Variants in CARS2 observed in about 807,000 individuals in gnomAD.
CARS2 encodes probable cysteine--tRNA ligase, mitochondrial.
Under a neutral mutation model 68.8 loss-of-function variants are expected in CARS2, and 52 were observed. The observed-to-expected ratio is 0.76, with a 90% CI of 0.61 to 0.95. The LOEUF (loss-of-function observed/expected upper bound fraction) is 0.95. CARS2 is among the 40% of genes least tolerant of loss of function. The probability of loss-of-function intolerance (pLI) is 0.00; values close to 1 mark genes in which losing one functional copy is unlikely to be tolerated. For missense variants in CARS2, 780 were observed against 754.2 expected, an observed-to-expected ratio of 1.03 and a Z score of -0.40; for synonymous variants, 314 against 303.6, an observed-to-expected ratio of 1.03 and a Z score of -0.36.
intron 9 of CARS2, among the ~76,000 whole-genome samples, chr13:110,652,303 G>A (rs1186242503): frequency 6.6e-6 from 1 of 152,260 alleles, no homozygotes; most frequent in Non-Finnish European, 1.5e-5. Context: ...TGGGAGCACA[G>A]AGCTGCCAGG....
intron 3 of CARS2, among the ~76,000 whole-genome samples, chr13:110,698,854 A>G (rs1338053614): frequency 6.6e-6 from 1 of 152,104 alleles, no homozygotes; most frequent in Non-Finnish European, 1.5e-5. Context: ...AAATAGAAAA[A>G]AGAAAAAAAT....
At chr13:110,672,460 T>C (rs1424438133) in intron 7 of CARS2, among the ~76,000 whole-genome samples, 2 of 152,218 alleles carry the variant, frequency 1.3e-5, no homozygotes, top group Non-Finnish European at 2.9e-5. Context: ...TGCTCCTGAA[T>C]GACTACTGGG....
At chr13:110,679,081 T>C (rs1315558662) in intron 6 of CARS2, among the ~76,000 whole-genome samples, 1 of 57,338 alleles carries the variant, frequency 1.7e-5, no homozygotes, top group African/African-American at 6.8e-5. Flanking sequence ...CCCGTGGCCC[T>C]GAATTTGAGT....
chr13:110,663,760 G>A, intron 8 of CARS2: 3 of 1,259,234 alleles, frequency 2.4e-6, no homozygotes, highest in Non-Finnish European at 2.0e-6. Context: ...TGGCAGGGGT[G>A]CCCCAGCTGA....
chr13:110,660,459 T>C (rs1303501285), intron 9 of CARS2, among the ~76,000 whole-genome samples: 1 of 152,256 alleles, frequency 6.6e-6, no homozygotes, highest in South Asian at 2.1e-4. Context: ...ATGGCAGCTA[T>C]AGCCTTATGA....
In CARS2 at chr13:110,653,897, A is replaced by G. The variant is rs1333608949; in HGVS notation, c.988-2797T>C. ...TTCCTGCTCTGTGCCGGCTGATATC[A>G]GCAAGTTTCTATACTACTCCGGTTC... On this transcript the variant is annotated intron_variant, in intron 9 of 14. Transcript: ENST00000257347. This position sits in a 1 kb window ranked among gnomAD's most constrained non-coding sequence, Gnocchi z 5.6. Among the ~76,000 whole-genome samples, 1 of 152,254 alleles carries G rather than the reference A, an allele frequency of 6.6e-6. No individual in the cohort carries two copies. Among genetic ancestry groups the G allele is most frequent in the African/African-American group, 2.4e-5 (1 of 41,478 alleles).
chr13:110,692,174 T>C (rs2063488745), intron 3 of CARS2, among the ~76,000 whole-genome samples: 1 of 151,090 alleles, frequency 6.6e-6, no homozygotes. Context: ...TTTTAAAATG[T>C]TTTCATATTT....
At chr13:110,651,379 T>G (rs899388215) in intron 9 of CARS2, among the ~76,000 whole-genome samples, 1 of 152,196 alleles carries the variant, frequency 6.6e-6, no homozygotes, top group African/African-American at 2.4e-5. Context: ...AGGAGGAGTG[T>G]GTCCTGTGCT....
At chr13:110,679,186 G>C (rs541689633) in intron 6 of CARS2, among the ~76,000 whole-genome samples, 1 of 152,154 alleles carries the variant, frequency 6.6e-6, no homozygotes, top group African/African-American at 2.4e-5. Context: ...TGGCAACAAT[G>C]AGTATCCATG....
At chr13:110,666,094 A>C (rs1256052260) in intron 8 of CARS2, 2 of 985,166 alleles carry the variant, frequency 2.0e-6, no homozygotes, top group Non-Finnish European at 2.4e-6. Context: ...TCCTTGGGCC[A>C]CGGAAGAGAG....
intron 2 of CARS2, among the ~76,000 whole-genome samples, chr13:110,702,040 C>G (rs1264592857): frequency 6.6e-6 from 1 of 152,126 alleles, no homozygotes; most frequent in Non-Finnish European, 1.5e-5. Context: ...TTTAAAAATG[C>G]CAGCTTATTT....
chr13:110,659,784 T>G (rs1566669193), intron 9 of CARS2, among the ~76,000 whole-genome samples: 2 of 152,256 alleles, frequency 1.3e-5, no homozygotes. Context: ...ATCTTTTTGC[T>G]GGTGGAAGGT....
At chr13:110,712,518 C>G (rs2064040423) in intron 1 of CARS2, 1 of 280,914 alleles carries the variant, frequency 3.6e-6, no homozygotes, top group East Asian at 1.0e-4. Flanking sequence ...AGGGGCGGGC[C>G]CTTTGGCCGG....
rs1313419607 is a variant in CARS2, at chr13:110,645,959, T to C, written c.1317+8A>G. The stretch of plus-strand genomic sequence containing the variant: ...CAGGACCGCAAGGCCACCTGTTCGT[T>C]GAGCTACCTTCAGGGACGCCCTGAG... On this transcript the variant is annotated splice_region_variant and intron_variant, in intron 12 of 14. Coordinates refer to ENST00000257347, the MANE Select transcript of CARS2 (RefSeq NM_024537.4). The C allele has an allele frequency of 1.2e-6, 2 of 1,609,146 alleles. No individual in the cohort carries two copies. The highest frequency in any genetic ancestry group is 1.1e-5 in the South Asian group (1 of 90,522).
intron 2 of CARS2, among the ~76,000 whole-genome samples, chr13:110,702,916 C>T (rs2063831346): frequency 6.6e-6 from 1 of 152,178 alleles, no homozygotes; most frequent in South Asian, 2.1e-4. Context: ...GGTGAGTGTG[C>T]TCATCTGGGT....
At chr13:110,681,657 C>T (rs182662067) in intron 6 of CARS2, among the ~76,000 whole-genome samples, 1 of 152,192 alleles carries the variant, frequency 6.6e-6, no homozygotes, top group East Asian at 1.9e-4. Flanking sequence ...TTCATAATTG[C>T]CAAAACTCAG....
In CARS2 at chr13:110,665,697, TCAGA is replaced by T. The variant is rs1291650742; in HGVS notation, c.919+1639_919+1642del. Reference sequence around the variant, plus strand: ...CTGCGGAGGGAGCAACTCCAGCTCCTCAGACAGTTCAGGGAGCGCTGAACTGAGC... The same window carrying T: ...CTGCGGAGGGAGCAACTCCAGCTCCTCAGTTCAGGGAGCGCTGAACTGAGC... On this transcript the variant is annotated intron_variant, in intron 8 of 14. Coordinates refer to ENST00000257347, the MANE Select transcript of CARS2 (RefSeq NM_024537.4). This position sits in a 1 kb window ranked among gnomAD's most constrained non-coding sequence, Gnocchi z 4.3. The T allele has an allele frequency of 2.0e-6, 2 of 985,190 alleles. No homozygotes were observed. Among genetic ancestry groups the T allele is most frequent in the African/African-American group, 3.5e-5 (2 of 57,182 alleles). 61.0% of individuals were successfully genotyped at this position (985,190 alleles called of 1,614,324 possible). A position where few individuals can be genotyped will look rare whatever the true frequency, so the allele number is the denominator to read the frequency against.
At chr13:110,694,551 C>T (rs948638559) in intron 3 of CARS2, among the ~76,000 whole-genome samples, 2 of 151,932 alleles carry the variant, frequency 1.3e-5, no homozygotes, top group Non-Finnish European at 2.9e-5. Flanking sequence ...GCAGGAAAAT[C>T]GCTTGAGCCT....
rs970868443 is a variant in CARS2, at chr13:110,676,069, G to A, written c.785+905C>T. On this transcript the variant is annotated intron_variant, in intron 7 of 14. Transcript: ENST00000257347. This position sits in a 1 kb window ranked among gnomAD's most constrained non-coding sequence, Gnocchi z 4.0. Reference sequence around the variant, plus strand: ...CTCAGGAGGATGAGGCAGGAGAATCGCTTGAACCTGGGAGGCGGAGGTTGC... The same window carrying A: ...CTCAGGAGGATGAGGCAGGAGAATCACTTGAACCTGGGAGGCGGAGGTTGC... Among the ~76,000 whole-genome samples the A allele has an allele frequency of 1.3e-5, 2 of 152,220 alleles. No individual in the cohort carries two copies. Among genetic ancestry groups the A allele is most frequent in the Non-Finnish European group, 2.9e-5 (2 of 68,036 alleles).
Sources: gnomAD v4.1 joint callset for allele counts (sites outside exome capture counted in the v4.1 genomes callset) on GRCh38, gnomAD v4.1.1 for gene constraint, Gnocchi (gnomAD v3.1) non-coding constraint, MANE v1.5 for transcripts, NCBI Gene and HGNC (gene_info 2026-07-23, HGNC 2026-07-21) for gene names.